The following VPS35L variants were observed in gnomAD, a reference collection of about 807,000 sequenced individuals.
VPS35L encodes the protein VPS35 endosomal protein sorting factor like.
A neutral mutation model predicts 133.0 loss-of-function variants in VPS35L; 83 were observed. The ratio of observed to expected loss-of-function variants is 0.62; its 90% CI spans 0.52 to 0.75. The LOEUF (loss-of-function observed/expected upper bound fraction) is 0.75. VPS35L is among the 30% of genes least tolerant of loss of function. VPS35L has a pLI of 0.00. For synonymous variants in VPS35L, 423 were observed against 449.9 expected, an observed-to-expected ratio of 0.94 and a Z score of 0.76; for missense variants, 1,083 against 1,206.8, an observed-to-expected ratio of 0.90 and a Z score of 1.52.
At chr16:19,594,056 ATTCCCACAGAAGTTT>A (rs1473114862) in intron 8 of VPS35L, among the ~76,000 whole-genome samples, 18 of 152,196 alleles carry the variant, frequency 1.2e-4, no homozygotes, top group African/African-American at 4.3e-4. Context: ...TTCTCCAAGC[ATTCCCACAGAAGTTT>A]CAGAATCCCA....
intron 8 of VPS35L, among the ~76,000 whole-genome samples, chr16:19,599,378 T>G (rs1422566371): frequency 6.6e-6 from 1 of 152,068 alleles, no homozygotes; most frequent in East Asian, 1.9e-4. Flanking sequence ...AAAGGGAAGT[T>G]TGTTGCTATT....
intron 25 of VPS35L, among the ~76,000 whole-genome samples, chr16:19,651,027 T>C (rs1317859657): frequency 2.6e-5 from 4 of 151,876 alleles, no homozygotes; most frequent in Non-Finnish European, 5.9e-5. Flanking sequence ...TACAGACGCG[T>C]GCCACCATGC....
At chr16:19,587,103 A>C (rs2151523083) in intron 7 of VPS35L, among the ~76,000 whole-genome samples, 1 of 152,120 alleles carries the variant, frequency 6.6e-6, no homozygotes, top group Non-Finnish European at 1.5e-5. Context: ...AGAAAGAGAG[A>C]GAGAGAGAGA....
At chr16:19,627,147 G>A (rs892058673) in intron 15 of VPS35L, among the ~76,000 whole-genome samples, 9 of 152,134 alleles carry the variant, frequency 5.9e-5, no homozygotes. Flanking sequence ...GCCGAGCATG[G>A]TGGCGCATGC....
intron 1 of VPS35L, among the ~76,000 whole-genome samples, chr16:19,558,395 A>G (rs76153218): frequency 0.085 from 12,922 of 152,296 alleles, 753 homozygotes; most frequent in Middle Eastern, 0.21. Flanking sequence ...AGAGGCTATG[A>G]TAGTAATCAT....
At chr16:19,608,867 C>A in intron 10 of VPS35L, 107 bp from the exon 11 acceptor site, 2 of 881,500 alleles carry the variant, frequency 2.3e-6, no homozygotes, top group Non-Finnish European at 1.8e-6. Flanking sequence ...CCACTGTGGT[C>A]CCCATCTCCT....
chr16:19,666,931 T>TCTTCCTTC (rs1440104361), intron 26 of VPS35L, among the ~76,000 whole-genome samples: 1 of 79,922 alleles, frequency 1.3e-5, no homozygotes. Flanking sequence ...TTTCTTTCTT[T>TCTTCCTTC]CTTCCTTTCT....
At chr16:19,675,865 A>T (rs1185549006) in intron 27 of VPS35L, among the ~76,000 whole-genome samples, 1 of 151,994 alleles carries the variant, frequency 6.6e-6, no homozygotes. Flanking sequence ...ACTGTTTTTC[A>T]TGGGGACTGC....
At position 19,699,317 on chromosome 16, in the gene VPS35L, G is replaced by A; in HGVS notation, c.2647-185G>A. The A allele has an allele frequency of 1.5e-6, 1 of 653,536 alleles. No individual in the cohort carries two copies. Among genetic ancestry groups the A allele is most frequent in the East Asian group, 2.9e-5 (1 of 34,036 alleles). 40.5% of individuals were successfully genotyped at this position (653,536 alleles called of 1,614,324 possible). A position where few individuals can be genotyped will look rare whatever the true frequency, so the allele number is the denominator to read the frequency against. On this transcript the variant is annotated intron_variant, in intron 29 of 30. Transcript: ENST00000417362. The surrounding 1 kb of genome is among the most constrained non-coding windows in gnomAD (Gnocchi z 4.2). ...CGCCCTTTGCAGGGGTGACCTTACT[G>A]TCACTTACAGATGAAGCAGCTGGGA...
At chr16:19,612,904 T>C (rs1334018818) in intron 12 of VPS35L, among the ~76,000 whole-genome samples, 1 of 152,096 alleles carries the variant, frequency 6.6e-6, no homozygotes, top group East Asian at 1.9e-4. Context: ...CCCCACAAGA[T>C]TGGTAGTAGA....
Position 19,609,932 on chromosome 16 carries a change from CAG to C in VPS35L, c.930-389_930-388del, listed in dbSNP as rs141991867. ...GCCAGCCTGAGATTCACGGAAGGAA[CAG>C]GGTACGGGACAGTAAATCTGTGGCA... On this transcript the variant is annotated intron_variant, in intron 11 of 30. Transcript: ENST00000417362. Among the ~76,000 whole-genome samples, 874 of 152,188 alleles carry C rather than the reference CAG, an allele frequency of 5.7e-3. 6 individuals carry two copies. The highest frequency in any genetic ancestry group is 0.019 in the African/African-American group (799 of 41,518).
At chr16:19,612,924 G>A (rs1158447248) in intron 12 of VPS35L, among the ~76,000 whole-genome samples, 6 of 152,296 alleles carry the variant, frequency 3.9e-5, no homozygotes, top group Middle Eastern at 3.4e-3. Context: ...AGTGCCCTGC[G>A]TCTGTTGAAA....
At chr16:19,590,636 G>A (rs954990514) in intron 7 of VPS35L, among the ~76,000 whole-genome samples, 5 of 152,064 alleles carry the variant, frequency 3.3e-5, no homozygotes, top group African/African-American at 7.2e-5. Flanking sequence ...AATAGCAGAC[G>A]AGTACTCAAA....
chr16:19,638,384 G>C (rs2151575467), intron 20 of VPS35L, among the ~76,000 whole-genome samples: 1 of 152,246 alleles, frequency 6.6e-6, no homozygotes, highest in African/African-American at 2.4e-5. Flanking sequence ...CTGTAGTATT[G>C]CCTTCTTATC....
chr16:19,608,692 C>A, intron 10 of VPS35L: 1 of 430,424 alleles, frequency 2.3e-6, no homozygotes, highest in Non-Finnish European at 4.1e-6. Flanking sequence ...TTCTTTCTTT[C>A]CCCATAAAGC....
At chr16:19,585,406 C>CTTTTTTTTTTTTTTTTT (rs201727936) in intron 7 of VPS35L, among the ~76,000 whole-genome samples, 2 of 138,114 alleles carry the variant, frequency 1.4e-5, no homozygotes, top group Non-Finnish European at 3.2e-5. Context: ...TTTCTTTTTT[C>CTTTTTTTTTTTTTTTTT]TTTTTTTTTT....
At chr16:19,625,644 GC>G (rs74311196) in intron 14 of VPS35L, among the ~76,000 whole-genome samples, 21,030 of 152,038 alleles carry the variant, frequency 0.14, 1,770 homozygotes, top group East Asian at 0.31. Context: ...ATCCAAGTGT[GC>G]CTGATGCCAG....
At chr16:19,608,304 A>AT in intron 10 of VPS35L, 30 bp downstream of exon 10, 1 of 1,412,326 alleles carries the variant, frequency 7.1e-7, no homozygotes, top group Admixed American at 1.7e-5. Flanking sequence ...TGGTCTGATG[A>AT]TTTTAAAGAT....
intron 7 of VPS35L, among the ~76,000 whole-genome samples, chr16:19,583,818 T>C (rs1400067082): frequency 6.6e-6 from 1 of 152,132 alleles, no homozygotes; most frequent in Non-Finnish European, 1.5e-5. Context: ...TTATTCCTCA[T>C]ATGTAGCTGT....
Sources: allele counts gnomAD v4.1 joint callset (sites outside exome capture counted in the v4.1 genomes callset), GRCh38; gene constraint gnomAD v4.1.1; non-coding constraint Gnocchi (gnomAD v3.1); transcripts MANE v1.5; gene names NCBI Gene and HGNC (gene_info 2026-07-23, HGNC 2026-07-21).